The following RANBP2 variants were observed in gnomAD, a reference collection of about 807,000 sequenced individuals.
The protein encoded by RANBP2 is RAN binding protein 2, also known as E3 SUMO-protein ligase RanBP2.
In RANBP2, 57 loss-of-function variants were observed where a neutral mutation model predicts 303.6. The ratio of observed to expected loss-of-function variants is 0.19; its 90% CI spans 0.15 to 0.23. The LOEUF (loss-of-function observed/expected upper bound fraction) is 0.23. Among genes scored for constraint, RANBP2 ranks in the 10% least tolerant of loss-of-function variants. RANBP2 has a pLI of 1.00. For missense variants in RANBP2, 3,138 were observed against 3,780.8 expected (o/e 0.83, Z 4.46); for synonymous variants, 1,167 against 1,301.5 (o/e 0.90, Z 2.23).
the RANBP2 span, among the ~76,000 whole-genome samples, chr2:109,562,786 C>T: frequency 4.6e-5 from 7 of 152,048 alleles, no homozygotes; most frequent in East Asian, 1.9e-4. Flanking sequence ...GAAGCTAACT[C>T]GAGATGATTA....
the RANBP2 span, among the ~76,000 whole-genome samples, chr2:109,059,805 C>T: frequency 1.4e-5 from 2 of 147,608 alleles, no homozygotes; most frequent in Non-Finnish European, 3.0e-5. Context: ...GCCCCATGCC[C>T]TGCAGTGTAG....
chr2:108,831,104 G>C, the RANBP2 span, among the ~76,000 whole-genome samples: 1 of 151,980 alleles, frequency 6.6e-6, no homozygotes, highest in Non-Finnish European at 1.5e-5. Flanking sequence ...AAACCCCGGA[G>C]GCAGAAGTTT....
At chr2:109,104,325 G>A in the RANBP2 span, among the ~76,000 whole-genome samples, 1 of 152,128 alleles carries the variant, frequency 6.6e-6, no homozygotes. Context: ...TCATCTGTAT[G>A]TATGCTCCAA....
the RANBP2 span, among the ~76,000 whole-genome samples, chr2:109,302,510 C>T: frequency 7.2e-5 from 11 of 152,350 alleles, no homozygotes; most frequent in Admixed American, 2.0e-4. Flanking sequence ...CTGCCTGCAC[C>T]GAAGATGCTC....
the RANBP2 span, among the ~76,000 whole-genome samples, chr2:108,854,758 T>G: frequency 6.6e-6 from 1 of 152,196 alleles, no homozygotes; most frequent in Non-Finnish European, 1.5e-5. Flanking sequence ...GGGGCCTGTT[T>G]ATAGGTGAAG....
the RANBP2 span, among the ~76,000 whole-genome samples, chr2:108,860,592 C>G: frequency 1.4e-5 from 2 of 148,042 alleles, no homozygotes; most frequent in Admixed American, 6.7e-5. Flanking sequence ...GTTTTTAATT[C>G]TCTTTTTACA....
chr2:109,307,552 T>G, the RANBP2 span, among the ~76,000 whole-genome samples: 1 of 142,940 alleles, frequency 7.0e-6, no homozygotes, highest in East Asian at 2.1e-4. Context: ...TAGGTATATC[T>G]CCCAATGCTA....
chr2:109,412,637 C>T, the RANBP2 span, among the ~76,000 whole-genome samples: 2 of 152,248 alleles, frequency 1.3e-5, no homozygotes, highest in Admixed American at 6.5e-5. Flanking sequence ...AAAGATGGCA[C>T]ATGGGGGATC....
the RANBP2 span, among the ~76,000 whole-genome samples, chr2:109,636,552 A>G: frequency 6.6e-6 from 1 of 152,206 alleles, no homozygotes; most frequent in East Asian, 1.9e-4. Flanking sequence ...GAGACCCAAG[A>G]AATATGACAA....
chr2:109,416,228 G>A, the RANBP2 span, among the ~76,000 whole-genome samples: 3 of 152,032 alleles, frequency 2.0e-5, no homozygotes, highest in Non-Finnish European at 2.9e-5. Context: ...TCCCAGCCAC[G>A]CCCAGCCCAG....
the RANBP2 span, among the ~76,000 whole-genome samples, chr2:109,384,798 G>A: frequency 6.6e-6 from 1 of 152,178 alleles, no homozygotes; most frequent in Non-Finnish European, 1.5e-5. Context: ...AGGGTCTTGG[G>A]CCCCTGGGGA....
the RANBP2 span, among the ~76,000 whole-genome samples, chr2:109,106,504 G>A: frequency 1.3e-5 from 2 of 152,114 alleles, no homozygotes; most frequent in African/African-American, 4.8e-5. Context: ...CTTCTCTCAT[G>A]TGTCAACACA....
chr2:109,012,363 G>A, the RANBP2 span, among the ~76,000 whole-genome samples: 6 of 152,266 alleles, frequency 3.9e-5, no homozygotes, highest in Non-Finnish European at 5.9e-5. Context: ...GATTCCCAGC[G>A]GTGGCTCTGT....
the RANBP2 span, among the ~76,000 whole-genome samples, chr2:109,494,593 T>C: frequency 1.8e-4 from 28 of 152,304 alleles, no homozygotes; most frequent in African/African-American, 6.5e-4. Context: ...GGCTGCGCCC[T>C]GTGCAGAGGT....
chr2:109,101,031 A>C, the RANBP2 span, among the ~76,000 whole-genome samples: 1 of 152,084 alleles, frequency 6.6e-6, no homozygotes, highest in Non-Finnish European at 1.5e-5. Context: ...TGGGTACTAC[A>C]CCCTTGTTAT....
At chr2:109,305,079 C>T in the RANBP2 span, among the ~76,000 whole-genome samples, 2 of 152,186 alleles carry the variant, frequency 1.3e-5, no homozygotes, top group Non-Finnish European at 2.9e-5. Flanking sequence ...TATTTGGGTC[C>T]ATGCTGTAAG....
At chr2:109,014,274 G>A in the RANBP2 span, among the ~76,000 whole-genome samples, 1 of 152,208 alleles carries the variant, frequency 6.6e-6, no homozygotes, top group African/African-American at 2.4e-5. Context: ...ATAGGGATGA[G>A]GCGAGACACC....
At position 108,753,915 on chromosome 2, in the gene RANBP2, G is replaced by A; in HGVS notation, c.2146G>A (p.Asp716Asn). The A allele has an allele frequency of 6.2e-7, 1 of 1,611,968 alleles. No individual in the cohort carries two copies. The part of the protein sequence containing the change: ...ECKNYLRKTR[D>N]YLIKIIDDSD... ...CAAAAATTATCTGAGAAAGACCAGG[G>A]ACTACCTAATAAAGATTATAGATGA... The change falls in exon 15 of 29, where the codon GAC becomes AAC. Residue 716 changes from aspartate (D) to asparagine (N), a missense_variant. Physicochemically the swap from Asp to Asn is conservative, Grantham distance 23. Coordinates refer to ENST00000283195, the MANE Select transcript of RANBP2 (RefSeq NM_006267.5).
At chr2:109,426,162 G>A in the RANBP2 span, among the ~76,000 whole-genome samples, 1 of 152,208 alleles carries the variant, frequency 6.6e-6, no homozygotes, top group Non-Finnish European at 1.5e-5. Flanking sequence ...GTCCGCCTTG[G>A]CCTCCCAAAG....
Sources: allele counts gnomAD v4.1 joint callset (sites outside exome capture counted in the v4.1 genomes callset), GRCh38; gene constraint gnomAD v4.1.1; transcripts MANE v1.5; gene names NCBI Gene and HGNC (gene_info 2026-07-23, HGNC 2026-07-21).